SYT12: variants seen among roughly 807,000 people sequenced by gnomAD.
The protein encoded by SYT12 is synaptotagmin-12.
Under a neutral mutation model 39.5 loss-of-function variants are expected in SYT12, and 27 were observed. That is an observed-to-expected ratio of 0.68 (90% CI 0.50 to 0.94). The LOEUF (loss-of-function observed/expected upper bound fraction) is 0.94. Ranked by LOEUF, SYT12 falls within the 40% of genes least tolerant of loss-of-function variation. SYT12 has a pLI of 0.00. For synonymous variants in SYT12, 233 were observed against 239.7 expected (o/e 0.97, Z 0.26); for missense variants, 536 against 572.6 (o/e 0.94, Z 0.65).
At chr11:67,043,564 C>T in intron 4 of SYT12, 74 bp from the exon 5 acceptor site, 5 of 1,414,744 alleles carry the variant, frequency 3.5e-6, no homozygotes, top group Non-Finnish European at 9.9e-7. Context: ...GGCCTCTGGA[C>T]TCCCTGTCCA....
upstream of SYT12, among the ~76,000 whole-genome samples, chr11:67,019,642 T>C (rs1395033451): frequency 6.6e-6 from 1 of 151,466 alleles, no homozygotes; most frequent in Non-Finnish European, 1.5e-5. Flanking sequence ...CCAAACCATA[T>C]CACCAACACT....
At chr11:67,022,590 C>A (rs1950122595), upstream of SYT12, 1 of 152,284 alleles carries the variant, frequency 6.6e-6, no homozygotes, top group African/African-American at 2.4e-5. Flanking sequence ...TCATTCATTC[C>A]TTTGGGAGAG....
intron 3 of SYT12, among the ~76,000 whole-genome samples, chr11:67,035,331 CTTT>C (rs778976882): frequency 7.3e-6 from 1 of 136,508 alleles, no homozygotes; most frequent in African/African-American, 2.7e-5. Flanking sequence ...TTCTTTCTTT[CTTT>C]TTTTTTTTTT....
At chr11:67,036,109 G>T (rs975230325) in intron 3 of SYT12, among the ~76,000 whole-genome samples, 1 of 151,432 alleles carries the variant, frequency 6.6e-6, no homozygotes, top group Admixed American at 6.6e-5. Flanking sequence ...GTAGAGACGG[G>T]GTTTCACCAT....
upstream of SYT12, among the ~76,000 whole-genome samples, chr11:67,018,804 CAG>C (rs967173873): frequency 7.1e-4 from 107 of 151,182 alleles, no homozygotes; most frequent in African/African-American, 1.9e-3. Flanking sequence ...GCCTGGGCGA[CAG>C]AGCGAGACTC....
In SYT12 at chr11:67,044,577, C is replaced by T. The variant is rs1950574710; in HGVS notation, c.838-16C>T. ...GGGTGGGGAGAAGCCCTCTGAGCCA[C>T]CTGTCTGTCCCCCAGGCCGCCGATG... On this transcript the variant is annotated splice_polypyrimidine_tract_variant and intron_variant, in intron 5 of 7. Transcript: ENST00000527043. 3 of 1,611,104 alleles carry T rather than the reference C, an allele frequency of 1.9e-6. No individual in the cohort carries two copies. Among genetic ancestry groups the T allele is most frequent in the Non-Finnish European group, 2.5e-6 (3 of 1,178,780 alleles).
At chr11:67,011,923 G>C (rs891472252) in intron 3 of SYT12, among the ~76,000 whole-genome samples, 1 of 151,368 alleles carries the variant, frequency 6.6e-6, no homozygotes, top group East Asian at 2.0e-4. Flanking sequence ...CCACCACCAC[G>C]TCCGGCTAAT....
In SYT12 at chr11:67,034,836, A is replaced by G. The variant is rs1275455355; in HGVS notation, c.226A>G (p.Lys76Glu). Residue 76 changes from lysine to glutamate, a missense_variant and splice_region_variant, in exon 3 of 8, where the codon AAG becomes GAG. Physicochemically the swap from Lys to Glu is moderately conservative, Grantham distance 56 (BLOSUM62 1). Transcript: ENST00000527043. ...CGAGAGCTGCGCAGAGGCCAGGGAG[A>G]AGGTGAGGCTTCTGCTCCTGCAGGT... The part of the protein sequence containing the change: ...YGESCAEARE[K>E]RVPAWNAQRA... 1 of 1,540,150 alleles carries G rather than the reference A, an allele frequency of 6.5e-7. No homozygotes were observed. Among genetic ancestry groups the G allele is most frequent in the Non-Finnish European group, 8.7e-7 (1 of 1,148,700 alleles).
At chr11:67,048,113 A>G (rs1240673318) in intron 7 of SYT12, among the ~76,000 whole-genome samples, 1 of 151,314 alleles carries the variant, frequency 6.6e-6, no homozygotes, top group Non-Finnish European at 1.5e-5. Context: ...TCTACTAAAA[A>G]TACAAAAATT....
intron 4 of SYT12, among the ~76,000 whole-genome samples, chr11:67,040,948 A>G (rs1441252525): frequency 2.0e-5 from 3 of 152,062 alleles, no homozygotes; most frequent in African/African-American, 7.2e-5. Flanking sequence ...GAGCCTAACC[A>G]GGAGTTCAAG....
chr11:67,017,360 ATT>A (rs11444184), intron 3 of SYT12, among the ~76,000 whole-genome samples: 9 of 139,508 alleles, frequency 6.5e-5, no homozygotes, highest in Admixed American at 2.2e-4. Context: ...CATTTCTACA[ATT>A]TTTTTTTTTT....
At chr11:67,011,360 A>C (rs1236888105) in intron 3 of SYT12, among the ~76,000 whole-genome samples, 1 of 152,128 alleles carries the variant, frequency 6.6e-6, no homozygotes, top group Non-Finnish European at 1.5e-5. Context: ...CTCCTACCTC[A>C]GCCTCTTGAG....
intron 3 of SYT12, among the ~76,000 whole-genome samples, chr11:67,038,061 A>G (rs1198561747): frequency 1.3e-5 from 2 of 150,640 alleles, no homozygotes; most frequent in Admixed American, 6.7e-5. Flanking sequence ...AAAAAAAATT[A>G]TGGTAATGAA....
upstream of SYT12, among the ~76,000 whole-genome samples, chr11:67,022,534 C>A (rs1046010901): frequency 1.3e-5 from 2 of 152,282 alleles, no homozygotes; most frequent in Admixed American, 1.3e-4. Flanking sequence ...ACACCTGGCA[C>A]TGTGCCCAGC....
intron 1 of SYT12, among the ~76,000 whole-genome samples, chr11:67,008,130 T>C (rs879580026): frequency 4.0e-5 from 6 of 151,754 alleles, no homozygotes; most frequent in Non-Finnish European, 5.9e-5. Flanking sequence ...ATTTTTGTAT[T>C]TTTAGTAGAG....
upstream of SYT12, among the ~76,000 whole-genome samples, chr11:67,019,129 G>A (rs868370335): frequency 1.2e-3 from 23 of 18,512 alleles, no homozygotes; most frequent in African/African-American, 2.6e-3. Context: ...ATCTTACATG[G>A]TGGCAGACGA....
At chr11:67,037,014 A>G (rs1327081891) in intron 3 of SYT12, among the ~76,000 whole-genome samples, 4 of 152,234 alleles carry the variant, frequency 2.6e-5, no homozygotes, top group Non-Finnish European at 5.9e-5. Flanking sequence ...TGGAGGTTGC[A>G]GTGAGCTGAG....
chr11:67,034,547 C>T (rs1950323070), intron 2 of SYT12, 98 bp from the exon 3 acceptor site: 2 of 1,072,090 alleles, frequency 1.9e-6, no homozygotes, highest in Non-Finnish European at 1.3e-6. Context: ...AGTAGGCATT[C>T]AATAAATATC....
chr11:67,030,987 C>T (rs1035141753), intron 2 of SYT12: 7 of 152,204 alleles, frequency 4.6e-5, no homozygotes, highest in African/African-American at 1.4e-4. Flanking sequence ...CCTACCCTAA[C>T]GCAGCCCCTG....
Sources: gnomAD v4.1 joint callset for allele counts (sites outside exome capture counted in the v4.1 genomes callset) on GRCh38, gnomAD v4.1.1 for gene constraint, MANE v1.5 for transcripts, NCBI Gene and HGNC (gene_info 2026-07-23, HGNC 2026-07-21) for gene names.